Variants in PTPRD observed in about 807,000 individuals in gnomAD.
PTPRD encodes the protein protein tyrosine phosphatase receptor type D, also known as receptor-type tyrosine-protein phosphatase delta.
Under a neutral mutation model 214.5 loss-of-function variants are expected in PTPRD, and 34 were observed. The observed-to-expected ratio is 0.16, with a 90% CI of 0.12 to 0.21. PTPRD has a LOEUF of 0.21. Ranked by LOEUF, PTPRD falls within the 10% of genes least tolerant of loss-of-function variation. The probability of loss-of-function intolerance (pLI) is 1.00; values close to 1 mark genes in which losing one functional copy is unlikely to be tolerated. For synonymous variants in PTPRD, 1,128 were observed against 845.7 expected (o/e 1.33, Z -5.79); for missense variants, 2,545 against 2,398.7 (o/e 1.06, Z -1.27).
At chr9:8,618,075 T>A (rs2095671057) in intron 14 of PTPRD, among the ~76,000 whole-genome samples, 1 of 152,120 alleles carries the variant, frequency 6.6e-6, no homozygotes, top group African/African-American at 2.4e-5. Context: ...GTGAGGATCT[T>A]CTCACTGCTG....
intron 2 of PTPRD, among the ~76,000 whole-genome samples, chr9:10,353,885 T>C (rs2154460275): frequency 6.6e-6 from 1 of 152,066 alleles, no homozygotes; most frequent in East Asian, 1.9e-4. Flanking sequence ...ACTATTAAAA[T>C]TAAATAAGTC....
At position 9,907,613 on chromosome 9, in the gene PTPRD, C is replaced by T. The variant is rs191310610; in HGVS notation, c.-368+30894G>A. Among the ~76,000 whole-genome samples the T allele has an allele frequency of 9.9e-5, 15 of 152,046 alleles. 1 individual carries two copies. Among genetic ancestry groups the T allele is most frequent in the African/African-American group, 2.4e-4 (10 of 41,526 alleles). The stretch of plus-strand genomic sequence containing the variant: ...TCATTTAACCTTATTTCTTTTAAAG[C>T]TCTATCTCCGAATAAAGTCACATTG... On this transcript the variant is annotated intron_variant, in intron 5 of 45. Coordinates refer to ENST00000381196, the MANE Select transcript of PTPRD (RefSeq NM_002839.4).
At chr9:9,140,734 A>G (rs1592291015) in intron 10 of PTPRD, among the ~76,000 whole-genome samples, 1 of 152,134 alleles carries the variant, frequency 6.6e-6, no homozygotes, top group Non-Finnish European at 1.5e-5. Flanking sequence ...GCCCGCCACC[A>G]CGCCCGGCTA....
At chr9:10,248,533 A>AAAAAAAAAAAAAAAAAAC (rs60272481) in intron 3 of PTPRD, among the ~76,000 whole-genome samples, 7 of 127,444 alleles carry the variant, frequency 5.5e-5, no homozygotes, top group Admixed American at 8.0e-5. Flanking sequence ...AAAATAAAAA[A>AAAAAAAAAAAAAAAAAAC]AATAAAGCGA....
intron 3 of PTPRD, among the ~76,000 whole-genome samples, chr9:10,288,224 A>C (rs945437267): frequency 3.3e-5 from 5 of 151,856 alleles, no homozygotes; most frequent in African/African-American, 1.2e-4. Flanking sequence ...GAATGGAAAA[A>C]CTTTAAAAAA....
intron 6 of PTPRD, among the ~76,000 whole-genome samples, chr9:9,741,449 CT>C (rs77515920): frequency 0.78 from 117,969 of 151,308 alleles, 46,804 homozygotes; most frequent in African/African-American, 0.93. Flanking sequence ...TTTGAGTTGG[CT>C]TTTTTTTTTA....
intron 2 of PTPRD, among the ~76,000 whole-genome samples, chr9:10,345,519 G>T (rs938298306): frequency 1.3e-5 from 2 of 148,162 alleles, no homozygotes; most frequent in African/African-American, 5.0e-5. Flanking sequence ...TGCGGTGTTT[G>T]GTTTTCTGTT....
At chr9:9,633,650 A>G (rs1341123268) in intron 7 of PTPRD, among the ~76,000 whole-genome samples, 1 of 152,192 alleles carries the variant, frequency 6.6e-6, no homozygotes, top group Non-Finnish European at 1.5e-5. Context: ...TTCGAAGGAA[A>G]GTAATAATTA....
chr9:9,476,686 T>C (rs2095067264), intron 8 of PTPRD, among the ~76,000 whole-genome samples: 1 of 152,164 alleles, frequency 6.6e-6, no homozygotes, highest in Non-Finnish European at 1.5e-5. Flanking sequence ...CAGATAGAAA[T>C]CTGAAATTTT....
At chr9:9,929,847 G>C (rs2085760379) in intron 5 of PTPRD, among the ~76,000 whole-genome samples, 2 of 152,176 alleles carry the variant, frequency 1.3e-5, no homozygotes, top group Non-Finnish European at 2.9e-5. Flanking sequence ...TCTACAAAGA[G>C]AATATGAGTT....
intron 8 of PTPRD, among the ~76,000 whole-genome samples, chr9:9,496,413 C>A (rs1285135279): frequency 6.6e-6 from 1 of 152,042 alleles, no homozygotes. Context: ...GGCCAAAGAA[C>A]TGAAATAGAC....
At chr9:9,909,665 T>C (rs1485100787) in intron 5 of PTPRD, among the ~76,000 whole-genome samples, 1 of 151,970 alleles carries the variant, frequency 6.6e-6, no homozygotes. Context: ...TTTAATATTG[T>C]CAGACTTTTC....
intron 8 of PTPRD, among the ~76,000 whole-genome samples, chr9:9,517,188 T>C (rs1024747980): frequency 6.6e-6 from 1 of 152,036 alleles, no homozygotes; most frequent in South Asian, 2.1e-4. Context: ...CTGTGCCAGG[T>C]GAAGGGAAAA....
At chr9:8,436,715 A>G in intron 34 of PTPRD, 26 bp from the exon 35 acceptor site, 1 of 1,534,510 alleles carries the variant, frequency 6.5e-7, no homozygotes, top group Non-Finnish European at 9.0e-7. Flanking sequence ...AAGAAGAAAC[A>G]CATTTGAAAA....
chr9:9,495,446 C>T (rs2096131741), intron 8 of PTPRD, among the ~76,000 whole-genome samples: 1 of 151,950 alleles, frequency 6.6e-6, no homozygotes, highest in Non-Finnish European at 1.5e-5. Flanking sequence ...GCCTTTTTAC[C>T]AATCAAATGT....
At chr9:10,272,652 T>A (rs867363616) in intron 3 of PTPRD, among the ~76,000 whole-genome samples, 19 of 152,206 alleles carry the variant, frequency 1.2e-4, no homozygotes, top group Admixed American at 8.5e-4. Flanking sequence ...ATATGACAAT[T>A]TTCTCTTTCC....
At chr9:9,295,978 C>T (rs1214722650) in intron 9 of PTPRD, among the ~76,000 whole-genome samples, 1 of 151,764 alleles carries the variant, frequency 6.6e-6, no homozygotes, top group Admixed American at 6.6e-5. Flanking sequence ...TTTAAAAAAG[C>T]TTCCTAATAT....
At chr9:8,844,211 T>C (rs1313678520) in intron 11 of PTPRD, among the ~76,000 whole-genome samples, 1 of 152,208 alleles carries the variant, frequency 6.6e-6, no homozygotes, top group South Asian at 2.1e-4. Context: ...GTGGATACAA[T>C]CTTTTATCTA....
At chr9:9,592,406 T>C (rs1185478162) in intron 7 of PTPRD, among the ~76,000 whole-genome samples, 1 of 152,100 alleles carries the variant, frequency 6.6e-6, no homozygotes, top group East Asian at 1.9e-4. Flanking sequence ...TATGCTTATA[T>C]GTTCATATAC....
Sources: allele counts gnomAD v4.1 joint callset (sites outside exome capture counted in the v4.1 genomes callset), GRCh38; gene constraint gnomAD v4.1.1; transcripts MANE v1.5; gene names NCBI Gene and HGNC (gene_info 2026-07-23, HGNC 2026-07-21).